Variants in DST observed in about 807,000 individuals in gnomAD.
The protein encoded by DST is dystonin.
Under a neutral mutation model 875.2 loss-of-function variants are expected in DST, and 253 were observed. That is an observed-to-expected ratio of 0.29 (90% CI 0.26 to 0.32). The LOEUF (loss-of-function observed/expected upper bound fraction) is 0.32, where lower values mean the gene tolerates loss of function less well. Among genes scored for constraint, DST ranks in the 10% least tolerant of loss-of-function variants. The pLI is 1.00. For missense variants in DST, 8,287 were observed against 9,111.6 expected, an observed-to-expected ratio of 0.91 and a Z score of 3.68; for synonymous variants, 3,124 against 3,197.1, an observed-to-expected ratio of 0.98 and a Z score of 0.77.
At chr6:56,932,129 A>T (rs1339662842) in intron 2 of DST, among the ~76,000 whole-genome samples, 3 of 152,156 alleles carry the variant, frequency 2.0e-5, no homozygotes, top group Non-Finnish European at 4.4e-5. Context: ...TGTGGGAAGG[A>T]TCCAGTGGGA....
intron 36 of DST, among the ~76,000 whole-genome samples, chr6:56,622,166 G>A (rs1193219747): frequency 6.6e-6 from 1 of 152,122 alleles, no homozygotes. Flanking sequence ...CTTAGCTATT[G>A]CTAAGAAATT....
intron 5 of DST, among the ~76,000 whole-genome samples, chr6:56,725,616 G>C (rs2099451029): frequency 6.6e-6 from 1 of 152,092 alleles, no homozygotes; most frequent in East Asian, 1.9e-4. Flanking sequence ...AAATCTATTT[G>C]GGAATGAGAG....
Position 56,534,360 on chromosome 6 carries a change from A to G in DST, c.16941+762T>C, listed in dbSNP as rs17830726. On this transcript the variant is annotated intron_variant, in intron 63 of 103. Transcript: ENST00000680361. ...TGTCATCTCAAGTCATGGCTGGCTGATTACTACTCAAAGTGGTATTAAATA... is the reference window on the plus strand; with the variant it reads ...TGTCATCTCAAGTCATGGCTGGCTGGTTACTACTCAAAGTGGTATTAAATA... Among the ~76,000 whole-genome samples, 1,102 of 152,254 alleles carry G rather than the reference A, an allele frequency of 7.2e-3. 59 individuals are homozygous for G. In the East Asian group the frequency reaches 0.14, roughly 19 times the overall value.
Position 56,631,315 on chromosome 6 carries a change from A to T in DST, c.4038T>A (p.Ser1346Arg). The change falls in exon 30 of 104, where the codon AGT becomes AGA. Residue 1346 changes from serine (S) to arginine (R), a missense_variant. Physicochemically the swap from Ser to Arg is moderately radical, Grantham distance 110 (BLOSUM62 -1). Around this residue, in one of 10 missense-constraint regions of DST, gnomAD observed 3,138 missense variants for 3,116.6 expected, o/e 1.01. Coordinates refer to ENST00000680361, the MANE Select transcript of DST (RefSeq NM_001374736.1). ...TITNKCEEFF[S>R]QAAASSSVPT... ...GGACTGATGAAGAGGCTGCTGCTTG[A>T]CTGAAAAACTCCTCACACTTATTTG... The T allele has an allele frequency of 1.2e-6, 2 of 1,613,982 alleles. No individual in the cohort carries two copies. Among genetic ancestry groups the T allele is most frequent in the South Asian group, 2.2e-5 (2 of 91,070 alleles).
At chr6:56,482,357 A>G in intron 89 of DST, 179 bp from the exon 90 acceptor site, 1 of 742,278 alleles carries the variant, frequency 1.3e-6, no homozygotes. Context: ...GAAAACACTT[A>G]ATATATTAAA....
At chr6:56,595,332 T>G (rs1036817100) in intron 47 of DST, among the ~76,000 whole-genome samples, 3 of 152,052 alleles carry the variant, frequency 2.0e-5, no homozygotes, top group African/African-American at 7.2e-5. Context: ...TTGAGTCCCG[T>G]TTAAATGCTG....
At chr6:56,868,563 C>CA (rs1400317634) in intron 3 of DST, among the ~76,000 whole-genome samples, 2 of 151,330 alleles carry the variant, frequency 1.3e-5, no homozygotes, top group Admixed American at 6.6e-5. Context: ...ACCGTCCTCT[C>CA]AAAAAAAAGA....
chr6:56,654,611 C>A (rs1387750067), intron 10 of DST, among the ~76,000 whole-genome samples: 2 of 123,046 alleles, frequency 1.6e-5, no homozygotes, highest in Non-Finnish European at 3.2e-5. Flanking sequence ...TATATCTCCA[C>A]ACGTATATAT....
At chr6:56,860,313 A>G (rs1405798422) in intron 3 of DST, among the ~76,000 whole-genome samples, 1 of 152,180 alleles carries the variant, frequency 6.6e-6, no homozygotes, top group East Asian at 1.9e-4. Context: ...GATCGTGGTA[A>G]TTGATAGACT....
chr6:56,952,846 C>G (rs913264642), intron 2 of DST, among the ~76,000 whole-genome samples: 1 of 152,130 alleles, frequency 6.6e-6, no homozygotes, highest in African/African-American at 2.4e-5. Flanking sequence ...AGAGTTCTCA[C>G]CTTCCAGGGC....
chr6:56,670,215 T>C (rs1044150373), intron 10 of DST, among the ~76,000 whole-genome samples: 1 of 151,656 alleles, frequency 6.6e-6, no homozygotes, highest in Non-Finnish European at 1.5e-5. Context: ...GTAGTGGAAA[T>C]GTGATTTTTA....
chr6:56,552,783 G>C lies in DST; in HGVS notation c.16009C>G (p.Gln5337Glu). Residue 5337 changes from glutamine (Q) to glutamate (E), a missense_variant, in exon 61 of 104, where the codon CAG becomes GAG. By Grantham distance (29) the Gln-to-Glu change is conservative. This residue lies in a region of DST where 1,513 missense variants were observed against 1,677.8 expected (regional missense o/e 0.90). Transcript: ENST00000680361. ...HQVDLAKRLA[Q>E]DLVVEASDSK... is the part of the protein sequence containing the mutation. Reference sequence around the variant, plus strand: ...TCTGAGGCCTCTACCACAAGGTCCTGTGCAAGTCTTTTAGCCAAATCTACC... The same window carrying C: ...TCTGAGGCCTCTACCACAAGGTCCTCTGCAAGTCTTTTAGCCAAATCTACC... 6.2e-7 allele frequency: 1 copy of C among 1,610,622 alleles called. No homozygotes were observed. Among genetic ancestry groups the C allele is most frequent in the South Asian group, 1.1e-5 (1 of 91,076 alleles).
chr6:56,559,571 T>C (rs988307649), intron 58 of DST, among the ~76,000 whole-genome samples: 2 of 152,150 alleles, frequency 1.3e-5, no homozygotes, highest in Non-Finnish European at 2.9e-5. Flanking sequence ...ATGTGCCAGG[T>C]ACTATTTGTT....
intron 2 of DST, among the ~76,000 whole-genome samples, chr6:56,931,809 A>G (rs1344459075): frequency 1.3e-5 from 2 of 152,160 alleles, no homozygotes; most frequent in Non-Finnish European, 2.9e-5. Context: ...GAACTGCTGT[A>G]TTTACCCAAT....
chr6:56,688,905 T>C (rs1450219013), intron 9 of DST, among the ~76,000 whole-genome samples: 2 of 151,958 alleles, frequency 1.3e-5, no homozygotes, highest in Non-Finnish European at 2.9e-5. Context: ...GTAATAACAC[T>C]GGACAAACAA....
intron 10 of DST, among the ~76,000 whole-genome samples, chr6:56,662,417 CA>C (rs2099048585): frequency 1.3e-5 from 2 of 152,108 alleles, no homozygotes; most frequent in South Asian, 4.1e-4. Context: ...AAATGTTATA[CA>C]CATACAATAG....
rs1396756306 is a variant in DST at position 56,552,782 on chromosome 6, T to C, written c.16010A>G (p.Gln5337Arg). Residue 5337 changes from glutamine (Q) to arginine (R), a missense_variant, in exon 61 of 104, where the codon CAG (glutamine) becomes CGG (arginine). Gln to Arg is a conservative substitution (Grantham distance 43, BLOSUM62 1). Around this residue, in one of 10 missense-constraint regions of DST, gnomAD observed 1,513 missense variants for 1,677.8 expected, o/e 0.90. Coordinates refer to ENST00000680361, the MANE Select transcript of DST (RefSeq NM_001374736.1). Reference protein sequence around the residue: ...HQVDLAKRLAQDLVVEASDSK... With the variant: ...HQVDLAKRLARDLVVEASDSK... Reference sequence around the variant, plus strand: ...GTCTGAGGCCTCTACCACAAGGTCCTGTGCAAGTCTTTTAGCCAAATCTAC... The same window carrying C: ...GTCTGAGGCCTCTACCACAAGGTCCCGTGCAAGTCTTTTAGCCAAATCTAC... 6 of 1,610,638 alleles carry C rather than the reference T, an allele frequency of 3.7e-6. No homozygotes were observed. Among genetic ancestry groups the C allele is most frequent in the Non-Finnish European group, 5.1e-6 (6 of 1,179,886 alleles).
intron 4 of DST, among the ~76,000 whole-genome samples, chr6:56,796,073 C>T (rs140822251): frequency 6.6e-6 from 1 of 152,284 alleles, no homozygotes; most frequent in African/African-American, 2.4e-5. Context: ...GTTATCTGTG[C>T]CCCAGGGATA....
At chr6:56,725,515 C>T (rs551111781) in intron 5 of DST, among the ~76,000 whole-genome samples, 4 of 152,224 alleles carry the variant, frequency 2.6e-5, no homozygotes, top group African/African-American at 7.2e-5. Context: ...GAGAGTGCCT[C>T]GGGAGGACAC....
Sources: gnomAD v4.1 joint callset for allele counts (sites outside exome capture counted in the v4.1 genomes callset) on GRCh38, gnomAD v4.1.1 for gene constraint, gnomAD v4.1.1 regional missense constraint, MANE v1.5 for transcripts, NCBI Gene and HGNC (gene_info 2026-07-23, HGNC 2026-07-21) for gene names.